PUDP: variants seen among roughly 807,000 people sequenced by gnomAD.
PUDP encodes the protein pseudouridine-5'-phosphatase.
Under a neutral mutation model 9.4 loss-of-function variants are expected in PUDP, and 8 were observed. The observed-to-expected ratio is 0.85, with a 90% confidence interval of 0.50 to 1.53. The LOEUF is 1.53. PUDP is among the 40% of genes most tolerant of loss of function. The pLI is 0.00. For missense variants in PUDP, 188 were observed against 189.7 expected, an observed-to-expected ratio of 0.99 and a Z score of 0.05; for synonymous variants, 99 against 80.7, an observed-to-expected ratio of 1.23 and a Z score of -1.22.
intron 1 of PUDP, among the ~76,000 whole-genome samples, chrX:7,146,366 A>T (rs957122821): frequency 8.9e-6 from 1 of 111,958 alleles, no homozygotes; most frequent in East Asian, 2.8e-4. Context: ...TTTGGTATTA[A>T]AATTCATGAG....
At chrX:6,713,209 T>A (rs914030876) in intron 1 of PUDP, among the ~76,000 whole-genome samples, 5 of 112,007 alleles carry the variant, frequency 4.5e-5, no homozygotes, top group African/African-American at 1.6e-4. Flanking sequence ...ATGGAAAGGA[T>A]CACTAATTAT....
intron 3 of PUDP, among the ~76,000 whole-genome samples, chrX:6,933,728 T>C (rs1360341571): frequency 1.1e-5 from 1 of 90,339 alleles, no homozygotes; most frequent in Non-Finnish European, 2.5e-5. Context: ...AAGTTGAAAA[T>C]TTTGAAAAAA....
intron 2 of PUDP, among the ~76,000 whole-genome samples, chrX:7,100,370 C>T (rs1931696761): frequency 9.0e-6 from 1 of 111,274 alleles, no homozygotes; most frequent in Admixed American, 9.5e-5. Context: ...CTAAATACCT[C>T]CTTGGGTTCG....
chrX:7,112,586 A>G (rs2146906252), intron 1 of PUDP, among the ~76,000 whole-genome samples: 1 of 112,702 alleles, frequency 8.9e-6, no homozygotes, highest in Non-Finnish European at 1.9e-5. Context: ...AAAATAAACT[A>G]CAAGAAAGGC....
intron 1 of PUDP, among the ~76,000 whole-genome samples, chrX:7,107,168 C>T (rs1228335333): frequency 1.8e-5 from 2 of 112,339 alleles, no homozygotes; most frequent in Admixed American, 9.4e-5. Flanking sequence ...TGAAACCTTC[C>T]CACAGGGTGT....
At chrX:6,747,011 A>G (rs976099646) in intron 3 of PUDP, among the ~76,000 whole-genome samples, 1 of 111,541 alleles carries the variant, frequency 9.0e-6, no homozygotes, top group Middle Eastern at 4.6e-3. Flanking sequence ...ACAATGGTTG[A>G]ACTAATTTAC....
upstream of PUDP, among the ~76,000 whole-genome samples, chrX:6,722,742 A>T (rs1171974574): frequency 8.9e-6 from 1 of 112,075 alleles, no homozygotes; most frequent in Admixed American, 9.5e-5. Context: ...AAGGAAACAG[A>T]AGACTTAGAA....
chrX:6,907,383 C>T (rs925638220), intron 3 of PUDP, among the ~76,000 whole-genome samples: 3 of 111,627 alleles, frequency 2.7e-5, no homozygotes, highest in Admixed American at 9.5e-5. Flanking sequence ...CTTATAGCAC[C>T]GTAAGAACGG....
At chrX:7,037,807 A>G (rs765702940) in intron 1 of PUDP, among the ~76,000 whole-genome samples, 3 of 111,873 alleles carry the variant, frequency 2.7e-5, no homozygotes, top group Non-Finnish European at 5.6e-5. Context: ...TTTCTTTCCA[A>G]TGAATCTCAT....
chrX:6,866,534 A>G (rs1234434329), intron 3 of PUDP, among the ~76,000 whole-genome samples: 2 of 111,302 alleles, frequency 1.8e-5, no homozygotes, highest in Non-Finnish European at 3.8e-5. Context: ...AAGTGAGCGC[A>G]TGTTGGCCTG....
rs147364330 is a variant in PUDP, at chrX:6,884,376, T to C, written c.*247+92757A>G. 4.5e-5 allele frequency among the ~76,000 whole-genome samples: 5 copies of C among 111,577 alleles called. No individual in the cohort carries two copies. The East Asian group carries it at 1.4e-3, about 32-fold the overall frequency. On this transcript the variant is annotated intron_variant and NMD_transcript_variant, in intron 3 of 3. Transcript: ENST00000655425. ...AATGTTGATCTATTAGAATAGCCCATAGAGTGTTTCCAAGGTGCATACTGT... is the reference window on the plus strand; with the variant it reads ...AATGTTGATCTATTAGAATAGCCCACAGAGTGTTTCCAAGGTGCATACTGT...
chrX:6,713,441 T>C (rs1924557341), intron 1 of PUDP, among the ~76,000 whole-genome samples: 2 of 111,786 alleles, frequency 1.8e-5, no homozygotes, highest in African/African-American at 6.5e-5. Flanking sequence ...ATAAATTTCA[T>C]GAGATATTCA....
intron 1 of PUDP, 40 bp downstream of exon 1, chrX:7,148,013 A>C: frequency 9.2e-7 from 1 of 1,083,036 alleles, no homozygotes; most frequent in Non-Finnish European, 1.2e-6. Flanking sequence ...CGCCCACACA[A>C]GACCGCCCTT....
chrX:7,074,592 T>C (rs1930838612), intron 3 of PUDP, among the ~76,000 whole-genome samples: 1 of 112,428 alleles, frequency 8.9e-6, no homozygotes, highest in South Asian at 3.7e-4. Context: ...TGATCGCTTC[T>C]GGGACATGGT....
In PUDP at chrX:7,031,349, C is replaced by T. The variant is rs371581489; in HGVS notation, c.204+45871G>A. Among the ~76,000 whole-genome samples the T allele has an allele frequency of 5.4e-5, 6 of 111,773 alleles. No homozygotes were observed. In the East Asian group the frequency reaches 1.7e-3, roughly 32 times the overall value. Reference sequence around the variant, plus strand: ...AGATGTAATAGGTAACGCTCAGACACTGGCATCAGAGGCAATGCAACCTGA... The same window carrying T: ...AGATGTAATAGGTAACGCTCAGACATTGGCATCAGAGGCAATGCAACCTGA... On this transcript the variant is annotated intron_variant and NMD_transcript_variant, in intron 1 of 3. Transcript: ENST00000655425.
At chrX:6,819,501 C>A (rs1926303348) in intron 3 of PUDP, among the ~76,000 whole-genome samples, 1 of 112,485 alleles carries the variant, frequency 8.9e-6, no homozygotes, top group Non-Finnish European at 1.9e-5. Context: ...CCATACATTG[C>A]CAAGATTTGA....
chrX:6,932,498 T>C (rs897685329), intron 3 of PUDP, among the ~76,000 whole-genome samples: 1 of 111,944 alleles, frequency 8.9e-6, no homozygotes. Context: ...GGAGCCATGA[T>C]GGCCGAACAG....
intron 1 of PUDP, among the ~76,000 whole-genome samples, chrX:7,127,798 A>ATGATGT (rs1932521432): frequency 8.9e-6 from 1 of 112,799 alleles, no homozygotes. Context: ...CATGATCAGA[A>ATGATGT]TGATGTTGAA....
At chrX:7,094,546 C>T (rs1407181390) in intron 2 of PUDP, among the ~76,000 whole-genome samples, 3 of 110,072 alleles carry the variant, frequency 2.7e-5, no homozygotes, top group Admixed American at 9.6e-5. Context: ...TTAGTAGAGA[C>T]GGGGTTTCAC....
Sources: allele counts gnomAD v4.1 joint callset (sites outside exome capture counted in the v4.1 genomes callset), GRCh38; gene constraint gnomAD v4.1.1; transcripts MANE v1.5; gene names NCBI Gene and HGNC (gene_info 2026-07-23, HGNC 2026-07-21).